Variants in SMARCC1 observed in about 807,000 individuals in gnomAD.
SMARCC1 encodes SWI/SNF related BAF chromatin remodeling complex subunit C1.
Under a neutral mutation model 147.4 loss-of-function variants are expected in SMARCC1, and 43 were observed. The observed-to-expected ratio is 0.29, with a 90% CI of 0.23 to 0.38. The LOEUF (loss-of-function observed/expected upper bound fraction) is 0.38, where lower values mean the gene tolerates loss of function less well. Ranked by LOEUF, SMARCC1 falls within the 10% of genes least tolerant of loss-of-function variation. SMARCC1 has a pLI of 1.00. For missense variants in SMARCC1, 1,119 were observed against 1,381.1 expected (o/e 0.81, Z 3.01); for synonymous variants, 495 against 484.4 (o/e 1.02, Z -0.29).
At chr3:47,681,505 C>T (rs569585332) in intron 14 of SMARCC1, among the ~76,000 whole-genome samples, 2 of 152,178 alleles carry the variant, frequency 1.3e-5, no homozygotes, top group East Asian at 3.9e-4. Context: ...AAAGAACAAA[C>T]TGTATATCTA....
intron 25 of SMARCC1, among the ~76,000 whole-genome samples, chr3:47,614,076 A>G (rs754951129): frequency 9.9e-5 from 15 of 152,234 alleles, no homozygotes; most frequent in Non-Finnish European, 1.8e-4. Context: ...CCTCAGAGCT[A>G]AAGTAAATAA....
At chr3:47,663,522 G>A (rs1240826530) in intron 19 of SMARCC1, 4 of 821,972 alleles carry the variant, frequency 4.9e-6, no homozygotes, top group Admixed American at 4.8e-5. Flanking sequence ...GAGGCGAGAG[G>A]ATCTCTTGAG....
Position 47,588,045 on chromosome 3 carries a change from T to A in SMARCC1, c.*164A>T, listed in dbSNP as rs889724483. On this transcript the variant is annotated 3_prime_UTR_variant, in exon 28 of 28. Transcript: ENST00000254480. ...GGCTGAGGACCCAACACAAAAAGTGTCAGAGAGAGGGGTGGTAAGAGGAGT... is the reference window on the plus strand; with the variant it reads ...GGCTGAGGACCCAACACAAAAAGTGACAGAGAGAGGGGTGGTAAGAGGAGT... 4.5e-5 allele frequency: 27 copies of A among 600,750 alleles called. No individual in the cohort carries two copies. Among genetic ancestry groups the A allele is most frequent in the Non-Finnish European group, 6.8e-5 (23 of 338,852 alleles). The allele number at this position is 600,750 out of a possible 1,614,324, so 37.2% of individuals were successfully genotyped here.
At chr3:47,694,817 A>G (rs992796339) in intron 11 of SMARCC1, among the ~76,000 whole-genome samples, 1 of 152,328 alleles carries the variant, frequency 6.6e-6, no homozygotes, top group East Asian at 1.9e-4. Flanking sequence ...CTTCTTGGCC[A>G]TGTATTTATT....
At chr3:47,728,921 CAAAT>C (rs2034334188) in intron 6 of SMARCC1, 100 bp downstream of exon 6, 1 of 686,764 alleles carries the variant, frequency 1.5e-6, no homozygotes, top group Non-Finnish European at 2.3e-6. Flanking sequence ...AAAACAAAAA[CAAAT>C]AAAAAGCTGG....
chr3:47,616,956 G>A (rs760960347), intron 25 of SMARCC1, among the ~76,000 whole-genome samples: 1 of 152,194 alleles, frequency 6.6e-6, no homozygotes, highest in Non-Finnish European at 1.5e-5. Context: ...GAGCAAGAGT[G>A]CAATCTAAAA....
intron 3 of SMARCC1, among the ~76,000 whole-genome samples, chr3:47,739,924 T>TG (rs1326949277): frequency 6.6e-6 from 1 of 152,174 alleles, no homozygotes; most frequent in Admixed American, 6.6e-5. Context: ...TTGCCCAGGC[T>TG]GGAGTGCAGT....
At chr3:47,675,308 T>C (rs1380182745) in intron 18 of SMARCC1, among the ~76,000 whole-genome samples, 167 bp downstream of exon 18, 2 of 152,210 alleles carry the variant, frequency 1.3e-5, no homozygotes, top group Non-Finnish European at 2.9e-5. Flanking sequence ...TCTAATAGTG[T>C]TATTTTTAAA....
At chr3:47,595,194 G>A (rs890509914) in intron 26 of SMARCC1, among the ~76,000 whole-genome samples, 2 of 152,150 alleles carry the variant, frequency 1.3e-5, no homozygotes, top group African/African-American at 4.8e-5. Context: ...TGAATAATCT[G>A]CTAGGAAAGT....
At chr3:47,659,657 T>A (rs2033314190) in intron 21 of SMARCC1, among the ~76,000 whole-genome samples, 2 of 149,448 alleles carry the variant, frequency 1.3e-5, no homozygotes, top group Admixed American at 1.4e-4. Flanking sequence ...AAACTGTGCA[T>A]GTAGGGGTAG....
At chr3:47,777,605 A>G (rs2034990914) in intron 1 of SMARCC1, among the ~76,000 whole-genome samples, 2 of 151,734 alleles carry the variant, frequency 1.3e-5, no homozygotes, top group East Asian at 2.0e-4. Flanking sequence ...TCAGCTCACT[A>G]CAACCTCCAC....
chr3:47,612,325 C>G (rs1288580350), intron 25 of SMARCC1, among the ~76,000 whole-genome samples: 1 of 152,118 alleles, frequency 6.6e-6, no homozygotes, highest in Non-Finnish European at 1.5e-5. Flanking sequence ...AAGAGGTGGC[C>G]AGAAAACATC....
chr3:47,724,544 T>G (rs2034276847), intron 6 of SMARCC1, among the ~76,000 whole-genome samples: 1 of 152,200 alleles, frequency 6.6e-6, no homozygotes, highest in Non-Finnish European at 1.5e-5. Flanking sequence ...CACAAATTCA[T>G]AAGTTTTCTT....
intron 3 of SMARCC1, among the ~76,000 whole-genome samples, chr3:47,742,054 G>C (rs573590600): frequency 2.9e-4 from 44 of 152,150 alleles, no homozygotes; most frequent in African/African-American, 1.1e-3. Flanking sequence ...CTTTGGCTCA[G>C]TGCATTTTTG....
intron 24 of SMARCC1, among the ~76,000 whole-genome samples, chr3:47,624,894 T>TAAAAAAAAAAAA (rs60766054): frequency 1.8e-5 from 2 of 111,748 alleles, no homozygotes; most frequent in African/African-American, 3.4e-5. Flanking sequence ...TACTAAAAAT[T>TAAAAAAAAAAAA]AAAAAAAAAA....
chr3:47,674,370 T>A (rs2033542350), intron 18 of SMARCC1, among the ~76,000 whole-genome samples: 1 of 152,196 alleles, frequency 6.6e-6, no homozygotes, highest in South Asian at 2.1e-4. Context: ...CCTACAAACG[T>A]CTTTATTTCA....
At chr3:47,731,527 C>G (rs1217536304) in intron 5 of SMARCC1, among the ~76,000 whole-genome samples, 1 of 152,168 alleles carries the variant, frequency 6.6e-6, no homozygotes, top group East Asian at 1.9e-4. Flanking sequence ...TTGCCCAGAT[C>G]CATCATAAGA....
chr3:47,672,882 G>A (rs907160148), intron 18 of SMARCC1, among the ~76,000 whole-genome samples: 3 of 151,948 alleles, frequency 2.0e-5, no homozygotes, highest in African/African-American at 4.8e-5. Flanking sequence ...GGGTTCAAGC[G>A]ACTCTCGAGC....
chr3:47,588,401 C>T, intron 27 of SMARCC1, 95 bp from the exon 28 acceptor site: 4 of 1,187,904 alleles, frequency 3.4e-6, no homozygotes, highest in Non-Finnish European at 4.9e-6. Context: ...GAAGTCCTTT[C>T]CTTAGTGGCA....
Sources: allele counts gnomAD v4.1 joint callset (sites outside exome capture counted in the v4.1 genomes callset), GRCh38; gene constraint gnomAD v4.1.1; transcripts MANE v1.5; gene names NCBI Gene and HGNC (gene_info 2026-07-23, HGNC 2026-07-21).